The following LACTB variants were observed in gnomAD, a reference collection of about 807,000 sequenced individuals.
LACTB encodes serine beta-lactamase-like protein LACTB, mitochondrial.
Under a neutral mutation model 50.2 loss-of-function variants are expected in LACTB, and 35 were observed. That is an observed-to-expected ratio of 0.70 (90% confidence interval 0.53 to 0.92). The LOEUF is 0.92. Among genes scored for constraint, LACTB ranks in the 40% least tolerant of loss-of-function variants. The pLI, the probability that LACTB is intolerant of heterozygous loss-of-function variation, is 0.00. For missense variants in LACTB, 664 were observed against 691.8 expected, an observed-to-expected ratio of 0.96 and a Z score of 0.45; for synonymous variants, 252 against 268.2, an observed-to-expected ratio of 0.94 and a Z score of 0.59.
chr15:63,127,814 G>C, intron 4 of LACTB, 125 bp downstream of exon 4: 1 of 652,546 alleles, frequency 1.5e-6, no homozygotes, highest in Non-Finnish European at 2.5e-6. Flanking sequence ...GACTAGTCTG[G>C]TGCTTGCGTT....
intron 5 of LACTB, among the ~76,000 whole-genome samples, chr15:63,139,415 G>A (rs2037207081): frequency 6.6e-6 from 1 of 151,932 alleles, no homozygotes; most frequent in Admixed American, 6.6e-5. Context: ...CACTTTGAGA[G>A]GCCAAGGTGG....
At chr15:63,134,824 G>GTC (rs1189491219) in intron 5 of LACTB, among the ~76,000 whole-genome samples, 3 of 151,668 alleles carry the variant, frequency 2.0e-5, no homozygotes, top group Admixed American at 1.3e-4. Context: ...GTGTGTGTGT[G>GTC]TGTGTGTGTG....
chr15:63,121,956 C>A lies in LACTB; in HGVS notation c.85C>A (p.Gln29Lys). The A allele has an allele frequency of 3.6e-6, 5 of 1,391,446 alleles. No individual in the cohort carries two copies. The highest frequency in any genetic ancestry group is 3.7e-6 in the Non-Finnish European group (4 of 1,081,534). The allele number at this position is 1,391,446 out of a possible 1,614,324, so 86.2% of individuals were successfully genotyped here. ...AAGCTGCGGACGACGCGGGGTCCATCAGCGCGCCGGGCTGCCGCCTCTCGG... is the reference window on the plus strand; with the variant it reads ...AAGCTGCGGACGACGCGGGGTCCATAAGCGCGCCGGGCTGCCGCCTCTCGG... ...ASSCGRRGVH[Q>K]RAGLPPLGHG... Residue 29 changes from glutamine (Q) to lysine (K), a missense_variant, in exon 1 of 6, where the codon CAG becomes AAG. Transcript: ENST00000261893.
chr15:63,127,689 G>A lies in LACTB; in HGVS notation c.952G>A (p.Gly318Ser). The A allele has an allele frequency of 1.3e-6, 2 of 1,561,216 alleles. No homozygotes were observed. The highest frequency in any genetic ancestry group is 2.7e-5 in the African/African-American group (2 of 73,288). ...AAATGATCCTTTGTTCTTCAAACCT[G>A]GTGAGTGTTAATCCCTTCTCTTAAC... is the stretch of plus-strand genomic sequence containing the variant. ...FKNDPLFFKP[G>S]SQFLYSTFGY... The change falls in exon 4 of 6, where the codon GGT becomes AGT. Residue 318 changes from glycine (G) to serine (S), a missense_variant and splice_region_variant. Coordinates refer to ENST00000261893, the MANE Select transcript of LACTB (RefSeq NM_032857.5).
At chr15:63,131,712 AG>A in intron 5 of LACTB, among the ~76,000 whole-genome samples, 1 of 152,322 alleles carries the variant, frequency 6.6e-6, no homozygotes, top group South Asian at 2.1e-4. Context: ...TGGGAGGCCA[AG>A]GCAGGAGGAT....
chr15:63,127,606 G>A lies in LACTB; in HGVS notation c.869G>A (p.Gly290Asp). The A allele has an allele frequency of 6.2e-7, 1 of 1,612,328 alleles. No homozygotes were observed. The highest frequency in any genetic ancestry group is 8.5e-7 in the Non-Finnish European group (1 of 1,179,148). ...AAGAAAAAGAATGATTTTGAACAAG[G>A]CGAATTATATTTGAGAGAAAAGTTT... ...PGKKKNDFEQ[G>D]ELYLREKFEN... The change falls in exon 4 of 6, where the codon GGC (glycine) becomes GAC (aspartate). Residue 290 changes from glycine to aspartate, a missense_variant. By Grantham distance (94) the Gly-to-Asp change is moderately conservative. Transcript: ENST00000261893.
chr15:63,140,984 C>G, intron 5 of LACTB: 2 of 982,976 alleles, frequency 2.0e-6, no homozygotes, highest in Non-Finnish European at 2.4e-6. Flanking sequence ...GTAATATTAA[C>G]CAATACATTT....
rs1181181588 is a variant in LACTB at position 63,122,703 on chromosome 15, G to T, written c.424+1G>T. On this transcript the variant is annotated splice_donor_variant, in intron 2 of 5. Coordinates refer to ENST00000261893, the MANE Select transcript of LACTB (RefSeq NM_032857.5). LOFTEE classifies it high-confidence loss of function. ...GATGGAAAAGAAGTCTGGTCAGAAG[G>T]TGGGTTCAGAAAATTGTTGTTTTGT... is the stretch of plus-strand genomic sequence containing the variant. 6.2e-7 allele frequency: 1 copy of T among 1,609,882 alleles called. No individual in the cohort carries two copies. The highest frequency in any genetic ancestry group is 1.1e-5 in the South Asian group (1 of 90,994).
chr15:63,127,113 T>A, intron 3 of LACTB, 64 bp downstream of exon 3: 1 of 1,225,854 alleles, frequency 8.2e-7, no homozygotes, highest in Non-Finnish European at 1.1e-6. Flanking sequence ...GAATTTATAT[T>A]TAAAATGTTT....
At chr15:63,131,507 G>C (rs866259849) in intron 5 of LACTB, 1 of 152,034 alleles carries the variant, frequency 6.6e-6, no homozygotes, top group Non-Finnish European at 1.5e-5. Context: ...CCTTACATTT[G>C]TAAATATTTA....
At chr15:63,131,503 A>G (rs973975066) in intron 5 of LACTB, 4 of 152,148 alleles carry the variant, frequency 2.6e-5, no homozygotes. Flanking sequence ...TTTGCCTTAC[A>G]TTTGTAAATA....
At chr15:63,129,719 A>G (rs934006078) in intron 5 of LACTB, 69 bp downstream of exon 5, 1 of 1,358,374 alleles carries the variant, frequency 7.4e-7, no homozygotes, top group Non-Finnish European at 9.5e-7. Context: ...TTAAAAGTCA[A>G]ATTTTCTTTG....
At chr15:63,122,568 T>TC (rs2036990731) in intron 1 of LACTB, 68 bp from the exon 2 acceptor site, 1 of 1,255,188 alleles carries the variant, frequency 8.0e-7, no homozygotes, top group Non-Finnish European at 1.2e-6. Flanking sequence ...CCTTGGAAGG[T>TC]CCCCGAGGAG....
At position 63,122,044 on chromosome 15, in the gene LACTB, G is replaced by A; in HGVS notation, c.173G>A (p.Gly58Asp). 7.0e-7 allele frequency: 1 copy of A among 1,421,588 alleles called. No homozygotes were observed. Among genetic ancestry groups the A allele is most frequent in the South Asian group, 1.5e-5 (1 of 67,510 alleles). The allele number at this position is 1,421,588 out of a possible 1,614,324, so 88.1% of individuals were successfully genotyped here. A position where few individuals can be genotyped will look rare whatever the true frequency, so the allele number is the denominator to read the frequency against. Reference protein sequence around the residue: ...LGLALGVKLAGGLRGAAPAQS... With the variant: ...LGLALGVKLADGLRGAAPAQS... ...CTGGCGCTCGGGGTGAAGCTGGCAG[G>A]TGGGCTGAGGGGCGCGGCCCCGGCG... The change falls in exon 1 of 6, where the codon GGT becomes GAT. Residue 58 changes from glycine (G) to aspartate (D), a missense_variant. Gly to Asp is a moderately conservative substitution (Grantham distance 94). Coordinates refer to ENST00000261893, the MANE Select transcript of LACTB (RefSeq NM_032857.5).
At chr15:63,136,938 G>A (rs1472188720) in intron 5 of LACTB, among the ~76,000 whole-genome samples, 1 of 152,108 alleles carries the variant, frequency 6.6e-6, no homozygotes, top group African/African-American at 2.4e-5. Flanking sequence ...TCACTTCTCT[G>A]TGTGTTTATG....
At chr15:63,135,175 T>G (rs1443632526) in intron 5 of LACTB, among the ~76,000 whole-genome samples, 1 of 152,202 alleles carries the variant, frequency 6.6e-6, no homozygotes, top group Non-Finnish European at 1.5e-5. Context: ...GTGGCTTTTT[T>G]TGGAAAATTT....
At chr15:63,126,607 A>G (rs554181433) in intron 2 of LACTB, among the ~76,000 whole-genome samples, 4 of 152,364 alleles carry the variant, frequency 2.6e-5, no homozygotes, top group African/African-American at 9.6e-5. Context: ...AAAAATTTGT[A>G]TCTAAGTCAT....
intron 5 of LACTB, among the ~76,000 whole-genome samples, chr15:63,139,852 CT>C (rs56318679): frequency 0.38 from 57,720 of 151,130 alleles, 12,459 homozygotes; most frequent in Non-Finnish European, 0.51. Context: ...AATCCCAGCA[CT>C]TTGGGAGGCA....
chr15:63,131,846 G>T (rs2037135753), intron 5 of LACTB, among the ~76,000 whole-genome samples: 4 of 152,080 alleles, frequency 2.6e-5, no homozygotes. Context: ...TCGGGAGGCT[G>T]AGGTGGGAGG....
Sources: gnomAD v4.1 joint callset for allele counts (sites outside exome capture counted in the v4.1 genomes callset) on GRCh38, gnomAD v4.1.1 for gene constraint, MANE v1.5 for transcripts, NCBI Gene and HGNC (gene_info 2026-07-23, HGNC 2026-07-21) for gene names.